The following CDA variants were observed in gnomAD, a reference collection of about 807,000 sequenced individuals.
CDA encodes the protein cytidine deaminase, also known as cytidine aminohydrolase.
A neutral mutation model predicts 15.0 loss-of-function variants in CDA; 7 were observed. That is an observed-to-expected ratio of 0.47 (90% CI 0.26 to 0.87). The LOEUF is 0.87. CDA is among the 40% of genes least tolerant of loss of function. CDA has a pLI of 0.15. For synonymous variants in CDA, 58 were observed against 73.0 expected, an observed-to-expected ratio of 0.79 and a Z score of 1.05; for missense variants, 159 against 182.7, an observed-to-expected ratio of 0.87 and a Z score of 0.75.
At chr1:20,610,382 A>G (rs576604247) in intron 2 of CDA, among the ~76,000 whole-genome samples, 6 of 150,542 alleles carry the variant, frequency 4.0e-5, no homozygotes, top group South Asian at 2.1e-4. Context: ...GCTCACTGCA[A>G]CCTCTACCTC....
chr1:20,601,882 ACCT>A (rs1301588094), intron 1 of CDA, among the ~76,000 whole-genome samples: 1 of 152,144 alleles, frequency 6.6e-6, no homozygotes, highest in Non-Finnish European at 1.5e-5. Flanking sequence ...TAATCCCAGC[ACCT>A]TGAGAGGCCA....
At chr1:20,604,750 G>A (rs1237705469) in intron 1 of CDA, among the ~76,000 whole-genome samples, 178 bp from the exon 2 acceptor site, 1 of 152,182 alleles carries the variant, frequency 6.6e-6, no homozygotes, top group African/African-American at 2.4e-5. Context: ...CCACTACCAT[G>A]GGCCAAAGAA....
chr1:20,595,831 C>T (rs2052587206), intron 1 of CDA, among the ~76,000 whole-genome samples: 1 of 116,108 alleles, frequency 8.6e-6, no homozygotes, highest in South Asian at 2.9e-4. Flanking sequence ...GGCAACAGAG[C>T]AAGACTCTCT....
chr1:20,590,064 A>G (rs1339406695), intron 1 of CDA, among the ~76,000 whole-genome samples: 1 of 152,198 alleles, frequency 6.6e-6, no homozygotes, highest in Non-Finnish European at 1.5e-5. Context: ...GCTTAGAGGC[A>G]TTCTCCTTCA....
chr1:20,608,841 G>A (rs577142748), intron 2 of CDA, among the ~76,000 whole-genome samples: 4 of 152,230 alleles, frequency 2.6e-5, no homozygotes, highest in African/African-American at 9.6e-5. Context: ...CCTTGGGCAA[G>A]TCGTTTCACC....
chr1:20,618,878 TTATAAA>T lies in CDA; in HGVS notation c.*311_*316del, dbSNP rs2052847053. ...ATCCTGTTCCGAGCAACTTTTCTAA[TTATAAA>T]CATCACAGAACATCCTGGATCAAAG... is the stretch of plus-strand genomic sequence containing the variant. On this transcript the variant is annotated 3_prime_UTR_variant, in exon 4 of 4. Transcript: ENST00000375071. 5.2e-6 allele frequency: 2 copies of T among 382,340 alleles called. No individual in the cohort carries two copies. The highest frequency in any genetic ancestry group is 5.0e-6 in the Non-Finnish European group (1 of 198,436). The allele number at this position is 382,340 out of a possible 1,614,324, so 23.7% of individuals were successfully genotyped here.
intron 2 of CDA, among the ~76,000 whole-genome samples, chr1:20,613,081 A>G (rs1180784217): frequency 6.6e-6 from 1 of 152,178 alleles, no homozygotes; most frequent in Non-Finnish European, 1.5e-5. Context: ...GACATTCACT[A>G]AATGGTGACT....
At chr1:20,609,196 G>A (rs2052723134) in intron 2 of CDA, among the ~76,000 whole-genome samples, 2 of 152,058 alleles carry the variant, frequency 1.3e-5, no homozygotes, top group South Asian at 4.2e-4. Flanking sequence ...ACAAGATTCA[G>A]AAAGAAGGCC....
rs761971275 is a variant in CDA at position 20,618,531 on chromosome 1, C to T, written c.404C>T (p.Ser135Phe). 1.2e-6 allele frequency: 2 copies of T among 1,613,010 alleles called. No homozygotes were observed. The highest frequency in any genetic ancestry group is 2.2e-5 in the South Asian group (2 of 91,042). The change falls in exon 4 of 4, where the codon TCC becomes TTC. Residue 135 changes from serine to phenylalanine, a missense_variant. Ser to Phe is a radical substitution (Grantham distance 155). Coordinates refer to ENST00000375071, the MANE Select transcript of CDA (RefSeq NM_001785.3). The part of the protein sequence containing the change: ...IVMTVQELLP[S>F]SFGPEDLQKT... ...ATGACGGTCCAGGAGCTGCTGCCCT[C>T]CTCCTTTGGGCCTGAGGACCTGCAG... is the stretch of plus-strand genomic sequence containing the variant.
At chr1:20,606,786 G>C (rs754246433) in intron 2 of CDA, among the ~76,000 whole-genome samples, 2 of 152,146 alleles carry the variant, frequency 1.3e-5, no homozygotes, top group African/African-American at 4.8e-5. Context: ...TACTTTCCAC[G>C]GGAGCATGTT....
At chr1:20,615,171 C>T (rs1338875402) in intron 3 of CDA, among the ~76,000 whole-genome samples, 1 of 152,124 alleles carries the variant, frequency 6.6e-6, no homozygotes, top group Non-Finnish European at 1.5e-5. Flanking sequence ...GGAGTGTACA[C>T]TTAAACATGG....
chr1:20,606,367 AC>A (rs1182738351), intron 2 of CDA, among the ~76,000 whole-genome samples: 1 of 151,816 alleles, frequency 6.6e-6, no homozygotes, highest in Non-Finnish European at 1.5e-5. Flanking sequence ...CCTAAAAATC[AC>A]CTGCTATAGA....
At chr1:20,614,762 A>G (rs962119197) in intron 3 of CDA, among the ~76,000 whole-genome samples, 2 of 152,208 alleles carry the variant, frequency 1.3e-5, no homozygotes, top group Non-Finnish European at 2.9e-5. Context: ...AAGGAAAGCA[A>G]TGGGATTGAA....
intron 1 of CDA, among the ~76,000 whole-genome samples, chr1:20,602,176 G>T (rs2052650829): frequency 7.3e-6 from 1 of 136,304 alleles, no homozygotes; most frequent in Non-Finnish European, 1.6e-5. Context: ...GAGGGGAGGG[G>T]AGGGAAGGCT....
chr1:20,617,192 T>G (rs572597099), intron 3 of CDA, among the ~76,000 whole-genome samples: 2 of 152,300 alleles, frequency 1.3e-5, no homozygotes, highest in East Asian at 3.9e-4. Context: ...CAGAAAGTTA[T>G]CATTTTCCCA....
chr1:20,589,535 G>A lies in CDA; in HGVS notation c.154+252G>A, dbSNP rs116157205. Among the ~76,000 whole-genome samples the A allele has an allele frequency of 8.4e-3, 1,277 of 152,282 alleles. 12 individuals carry two copies. The highest frequency in any genetic ancestry group is 0.016 in the Admixed American group (244 of 15,302). ...AGGAAGTTGGATGGGAGGCAGGAAG[G>A]GGAGGCCATAAATCAAAAACATCAA... On this transcript the variant is annotated intron_variant, in intron 1 of 3. Coordinates refer to ENST00000375071, the MANE Select transcript of CDA (RefSeq NM_001785.3).
intron 3 of CDA, among the ~76,000 whole-genome samples, chr1:20,617,384 T>A (rs1454174272): frequency 6.6e-6 from 1 of 152,180 alleles, no homozygotes; most frequent in East Asian, 1.9e-4. Context: ...CTATGTGGTG[T>A]GGTTTGGCTG....
chr1:20,607,772 T>A (rs1394633438), intron 2 of CDA, among the ~76,000 whole-genome samples: 2 of 152,214 alleles, frequency 1.3e-5, no homozygotes, highest in Non-Finnish European at 1.5e-5. Context: ...ATCGCACTCA[T>A]GATTTGTTAA....
chr1:20,594,672 C>T (rs539921361), intron 1 of CDA, among the ~76,000 whole-genome samples: 3 of 151,684 alleles, frequency 2.0e-5, no homozygotes, highest in Admixed American at 2.0e-4. Context: ...GCCTGTAATC[C>T]CAGCTATTCA....
Sources: gnomAD v4.1 joint callset for allele counts (sites outside exome capture counted in the v4.1 genomes callset) on GRCh38, gnomAD v4.1.1 for gene constraint, MANE v1.5 for transcripts, NCBI Gene and HGNC (gene_info 2026-07-23, HGNC 2026-07-21) for gene names.